C5: variants seen among roughly 807,000 people sequenced by gnomAD.
C5 encodes C3 and PZP-like alpha-2-macroglobulin domain-containing protein 4.
C5 carries 140 observed loss-of-function variants against 218.8 expected under a neutral mutation model. The ratio of observed to expected loss-of-function variants is 0.64; its 90% CI spans 0.56 to 0.74. The LOEUF (loss-of-function observed/expected upper bound fraction) is 0.74. Ranked by LOEUF, C5 falls within the 30% of genes least tolerant of loss-of-function variation. The pLI, the probability that C5 is intolerant of heterozygous loss-of-function variation, is 0.00. For synonymous variants in C5, 614 were observed against 682.3 expected, an observed-to-expected ratio of 0.90 and a Z score of 1.56; for missense variants, 1,700 against 1,969.6, an observed-to-expected ratio of 0.86 and a Z score of 2.59.
At position 120,988,222 on chromosome 9, in the gene C5, A is replaced by G. The variant is rs557211144; in HGVS notation, c.3230+824T>C. 3.3e-5 allele frequency among the ~76,000 whole-genome samples: 5 copies of G among 152,356 alleles called. No homozygotes were observed. The South Asian group carries it at 1.0e-3, about 32-fold the overall frequency. ...ACTGAGCATCTACTATGTGCCAGGT[A>G]GGTACCAGGCACTAGGGATACTTAG... On this transcript the variant is annotated intron_variant, in intron 25 of 40. Transcript: ENST00000223642.
At chr9:121,034,034 C>T (rs1029538352) in intron 5 of C5, among the ~76,000 whole-genome samples, 1 of 152,118 alleles carries the variant, frequency 6.6e-6, no homozygotes, top group Non-Finnish European at 1.5e-5. Context: ...GATTCTCCTG[C>T]CTCAGCCTCC....
the C5 span, among the ~76,000 whole-genome samples, chr9:121,062,361 A>G: frequency 6.6e-5 from 10 of 151,168 alleles, no homozygotes; most frequent in African/African-American, 2.5e-4. Context: ...ACAAGCTCAA[A>G]GATAAAATTA....
rs759436436 is a variant in C5, at chr9:120,989,073, A to G, written c.3203T>C (p.Val1068Ala). 10 of 1,613,804 alleles carry G rather than the reference A, an allele frequency of 6.2e-6. No homozygotes were observed. The highest frequency in any genetic ancestry group is 8.5e-6 in the Non-Finnish European group (10 of 1,179,656). Residue 1068 changes from valine to alanine, a missense_variant, in exon 25 of 41, where the codon GTG becomes GCG. Coordinates refer to ENST00000223642, the MANE Select transcript of C5 (RefSeq NM_001735.3). The stretch of plus-strand genomic sequence containing the variant: ...AGTGCTAGCACTTCCACCCTTCCAC[A>G]CACTGTAAGAGTAGTCAGCATTTCT... ...SYRNADYSYS[V>A]WKGGSASTWL...
At chr9:121,056,803 G>C in the C5 span, among the ~76,000 whole-genome samples, 2 of 152,072 alleles carry the variant, frequency 1.3e-5, no homozygotes, top group African/African-American at 4.8e-5. Flanking sequence ...GAAAAATTGG[G>C]ATAGAATGTT....
chr9:121,015,334 AC>A, intron 15 of C5, 73 bp from the exon 16 acceptor site: 4 of 993,872 alleles, frequency 4.0e-6, no homozygotes, highest in Non-Finnish European at 6.2e-6. Context: ...ATTCCATGAA[AC>A]TATTTAAGTA....
At position 120,989,583 on chromosome 9, in the gene C5, T is replaced by C. The variant is rs2047060398; in HGVS notation, c.3139A>G (p.Lys1047Glu). Reference protein sequence around the residue: ...DPLIEKQKLKKKLKEGMLSIM... With the variant: ...DPLIEKQKLKEKLKEGMLSIM... ...TTTTTTTTACCTTCTTTTAATTTTTTCTTCAGTTTCTGCTTTTCAATTAAT... is the reference window on the plus strand; with the variant it reads ...TTTTTTTTACCTTCTTTTAATTTTTCCTTCAGTTTCTGCTTTTCAATTAAT... Residue 1047 changes from lysine (K) to glutamate (E), a missense_variant, in exon 24 of 41, where the codon AAA (lysine) becomes GAA (glutamate). Transcript: ENST00000223642. 4 of 1,604,396 alleles carry C rather than the reference T, an allele frequency of 2.5e-6. No individual in the cohort carries two copies. Among genetic ancestry groups the C allele is most frequent in the Non-Finnish European group, 3.4e-6 (4 of 1,173,644 alleles).
intron 25 of C5, among the ~76,000 whole-genome samples, chr9:120,986,241 A>G (rs188185451): frequency 1.6e-4 from 25 of 152,118 alleles, no homozygotes; most frequent in African/African-American, 5.5e-4. Flanking sequence ...TATACTATAT[A>G]AAATATTAAA....
Position 121,013,870 on chromosome 9 carries a change from T to TA in C5, c.2257+2dup, listed in dbSNP as rs1313424388. ...GAATTCTGATAGAAAATGTCATACT[T>TA]ACGTAGCCTTCCCAATTGCATGTCT... On this transcript the variant is annotated splice_region_variant and intron_variant, in intron 17 of 40. Transcript: ENST00000223642. 3 of 1,612,984 alleles carry TA rather than the reference T, an allele frequency of 1.9e-6. No homozygotes were observed. The highest frequency in any genetic ancestry group is 2.7e-5 in the African/African-American group (2 of 74,900).
chr9:121,066,209 G>A, the C5 span, among the ~76,000 whole-genome samples: 2 of 150,872 alleles, frequency 1.3e-5, no homozygotes, highest in East Asian at 3.9e-4. Flanking sequence ...CTACTCAGGA[G>A]GCTGAGGCAG....
rs1008539340 is a variant in C5 at position 120,982,880 on chromosome 9, T to G, written c.3231-66A>C. ...AATCCCTTTTGACTTTCAATTAATTTATACAACTTTATTCTTTAAAAGAAA... is the reference window on the plus strand; with the variant it reads ...AATCCCTTTTGACTTTCAATTAATTGATACAACTTTATTCTTTAAAAGAAA... On this transcript the variant is annotated intron_variant, in intron 25 of 40. Transcript: ENST00000223642. 1.1e-5 allele frequency: 9 copies of G among 846,150 alleles called. No homozygotes were observed. The South Asian group carries it at 1.4e-4, about 13-fold the overall frequency. 52.4% of individuals were successfully genotyped at this position (846,150 alleles called of 1,614,324 possible).
At chr9:121,017,035 G>C (rs1242987585) in intron 14 of C5, among the ~76,000 whole-genome samples, 5 of 152,068 alleles carry the variant, frequency 3.3e-5, no homozygotes, top group Admixed American at 1.3e-4. Flanking sequence ...ACCTATACAG[G>C]TCTTTCCTGT....
chr9:121,005,912 T>C lies in C5; in HGVS notation c.2562+7A>G, dbSNP rs2047211869. 6.8e-6 allele frequency: 11 copies of C among 1,613,058 alleles called. No homozygotes were observed. Among genetic ancestry groups the C allele is most frequent in the Non-Finnish European group, 9.3e-6 (11 of 1,179,244 alleles). On this transcript the variant is annotated splice_region_variant and intron_variant, in intron 20 of 40. Transcript: ENST00000223642. ...CCTTTATCCCATAAATATTAACACC[T>C]ACTTACCTGCATCCCAGAAGTCCTA... is the stretch of plus-strand genomic sequence containing the variant.
chr9:121,048,220 T>C (rs943635658), intron 1 of C5, among the ~76,000 whole-genome samples: 2 of 152,212 alleles, frequency 1.3e-5, no homozygotes, highest in Non-Finnish European at 2.9e-5. Context: ...AAGTTTAGTA[T>C]TGCTTTAATT....
intron 3 of C5, among the ~76,000 whole-genome samples, chr9:121,039,376 C>T (rs1427541262): frequency 6.6e-6 from 1 of 152,182 alleles, no homozygotes; most frequent in African/African-American, 2.4e-5. Context: ...CAGTGGCTTA[C>T]ACCTGGAATC....
chr9:120,998,914 A>C (rs1055845214), intron 20 of C5, among the ~76,000 whole-genome samples: 6 of 152,198 alleles, frequency 3.9e-5, no homozygotes, highest in African/African-American at 1.4e-4. Flanking sequence ...AATTTTGAGG[A>C]ATTTCTTGAA....
intron 38 of C5, among the ~76,000 whole-genome samples, chr9:120,959,512 C>A (rs915924751): frequency 6.6e-6 from 1 of 152,082 alleles, no homozygotes; most frequent in African/African-American, 2.4e-5. Flanking sequence ...CCACCCACCT[C>A]GGCCTCCCAA....
chr9:121,038,496 C>T (rs2047549638), intron 3 of C5, among the ~76,000 whole-genome samples: 1 of 152,154 alleles, frequency 6.6e-6, no homozygotes, highest in Non-Finnish European at 1.5e-5. Flanking sequence ...TGAGCCAGAT[C>T]CTACACTTGT....
chr9:121,017,820 G>A lies in C5; in HGVS notation c.1539C>T (p.Gly513=), dbSNP rs181763824. 1 of 1,613,198 alleles carries A rather than the reference G, an allele frequency of 6.2e-7. No homozygotes were observed. Among genetic ancestry groups the A allele is most frequent in the Non-Finnish European group, 8.5e-7 (1 of 1,179,458 alleles). Residue 513 remains glycine (G), a synonymous_variant, in exon 13 of 41, where the codon GGC becomes GGT. Coordinates refer to ENST00000223642, the MANE Select transcript of C5 (RefSeq NM_001735.3). ...ILSKGKIIHF[G]TREKFSDASY... ...ATGCATCTGAAAATTTCTCCCTCGTGCCAAAGTGGATAATTTTGCCCTTGG... is the reference window on the plus strand; with the variant it reads ...ATGCATCTGAAAATTTCTCCCTCGTACCAAAGTGGATAATTTTGCCCTTGG...
chr9:121,047,541 C>A (rs190628649), intron 1 of C5, among the ~76,000 whole-genome samples: 1 of 152,146 alleles, frequency 6.6e-6, no homozygotes, highest in Non-Finnish European at 1.5e-5. Context: ...GCATAGTGAT[C>A]GACTAATTCA....
Sources: allele counts gnomAD v4.1 joint callset (sites outside exome capture counted in the v4.1 genomes callset), GRCh38; gene constraint gnomAD v4.1.1; transcripts MANE v1.5; gene names NCBI Gene and HGNC (gene_info 2026-07-23, HGNC 2026-07-21).